The following DYTN variants were observed in gnomAD, a reference collection of about 807,000 sequenced individuals.
DYTN encodes dystrotelin.
Under a neutral mutation model 69.6 loss-of-function variants are expected in DYTN, and 75 were observed. That is an observed-to-expected ratio of 1.08 (90% CI 0.89 to 1.31). The LOEUF is 1.31. Ranked by LOEUF, DYTN falls within the 50% of genes most tolerant of loss-of-function variation. DYTN has a pLI of 0.00. For synonymous variants in DYTN, 252 were observed against 249.1 expected (o/e 1.01, Z -0.11); for missense variants, 726 against 688.4 (o/e 1.05, Z -0.61).
chr2:206,716,903 C>A lies in DYTN; in HGVS notation c.19+1358G>T, dbSNP rs982486509. 2.0e-5 allele frequency among the ~76,000 whole-genome samples: 3 copies of A among 152,046 alleles called. No individual in the cohort carries two copies. The South Asian group carries it at 6.2e-4, about 32-fold the overall frequency. Reference sequence around the variant, plus strand: ...TCTCCTGTCAAGTTATGCTTTACAGCGTCATCTGATGAAGTTAGGCAGCAT... The same window carrying A: ...TCTCCTGTCAAGTTATGCTTTACAGAGTCATCTGATGAAGTTAGGCAGCAT... On this transcript the variant is annotated intron_variant, in intron 1 of 11. Transcript: ENST00000452335.
intron 2 of DYTN, among the ~76,000 whole-genome samples, chr2:206,708,500 AGAG>A (rs1700048571): frequency 6.6e-6 from 1 of 152,248 alleles, no homozygotes; most frequent in Non-Finnish European, 1.5e-5. Flanking sequence ...TCTAAGGAAC[AGAG>A]GAACAAGTTT....
At chr2:206,666,738 CGTGTGTGTGTGT>C (rs56345459) in intron 9 of DYTN, among the ~76,000 whole-genome samples, 15 of 145,640 alleles carry the variant, frequency 1.0e-4, no homozygotes, top group African/African-American at 2.8e-4. Context: ...CATGGGTGTG[CGTGTGTGTGTGT>C]GTGTGTGTGT....
chr2:206,712,956 G>A (rs1057197537), intron 1 of DYTN, among the ~76,000 whole-genome samples: 1 of 152,242 alleles, frequency 6.6e-6, no homozygotes, highest in Non-Finnish European at 1.5e-5. Context: ...GATTGGAGCA[G>A]AAATCACCCT....
chr2:206,705,985 G>T, intron 3 of DYTN, 112 bp from the exon 4 acceptor site: 1 of 1,186,032 alleles, frequency 8.4e-7, no homozygotes, highest in Non-Finnish European at 1.2e-6. Context: ...GGTGCTATAA[G>T]TTCCAACTTT....
intron 9 of DYTN, among the ~76,000 whole-genome samples, chr2:206,676,416 C>T (rs923200588): frequency 9.2e-5 from 14 of 151,462 alleles, no homozygotes; most frequent in African/African-American, 2.4e-4. Flanking sequence ...CATCACATAC[C>T]GGGGCCTGTC....
chr2:206,667,647 C>T (rs1389780045), intron 9 of DYTN, among the ~76,000 whole-genome samples: 1 of 151,632 alleles, frequency 6.6e-6, no homozygotes. Context: ...ACCTACTCTA[C>T]TCCTTAATTA....
chr2:206,716,547 C>A lies in DYTN; in HGVS notation c.19+1714G>T, dbSNP rs368278834. Among the ~76,000 whole-genome samples, 4 of 152,014 alleles carry A rather than the reference C, an allele frequency of 2.6e-5. No homozygotes were observed. The East Asian group carries it at 7.7e-4, about 29-fold the overall frequency. On this transcript the variant is annotated intron_variant, in intron 1 of 11. Coordinates refer to ENST00000452335, the MANE Select transcript of DYTN (RefSeq NM_001093730.1). Reference sequence around the variant, plus strand: ...TATATAACTACAATTTGCTCTAAATCTTTTGTTATTCATCATTTCCTTAGG... The same window carrying A: ...TATATAACTACAATTTGCTCTAAATATTTTGTTATTCATCATTTCCTTAGG...
intron 9 of DYTN, among the ~76,000 whole-genome samples, chr2:206,689,454 C>T (rs1699842236): frequency 6.6e-6 from 1 of 152,176 alleles, no homozygotes. Flanking sequence ...TCATCAAAGT[C>T]TAGGGTACAC....
chr2:206,674,993 G>C (rs1310434665), intron 9 of DYTN, among the ~76,000 whole-genome samples: 1 of 151,536 alleles, frequency 6.6e-6, no homozygotes, highest in Non-Finnish European at 1.5e-5. Context: ...ATTAAAAATA[G>C]TTGCCCCATT....
intron 1 of DYTN, among the ~76,000 whole-genome samples, chr2:206,716,119 AAAAG>A (rs1486772328): frequency 1.3e-5 from 2 of 152,166 alleles, no homozygotes; most frequent in South Asian, 2.1e-4. Flanking sequence ...AAACAAAAGA[AAAAG>A]AAAGAAAGAA....
intron 9 of DYTN, among the ~76,000 whole-genome samples, 192 bp from the exon 10 acceptor site, chr2:206,666,221 G>A (rs1482917944): frequency 6.6e-6 from 1 of 152,106 alleles, no homozygotes; most frequent in Non-Finnish European, 1.5e-5. Context: ...CGCGATCTTG[G>A]TTCACTGCAA....
At chr2:206,661,748 A>G (rs1008958170) in intron 11 of DYTN, among the ~76,000 whole-genome samples, 1 of 152,206 alleles carries the variant, frequency 6.6e-6, no homozygotes, top group African/African-American at 2.4e-5. Flanking sequence ...TAAGGCTTCC[A>G]GTCAACAGTA....
chr2:206,685,254 C>T (rs1699793289), intron 9 of DYTN, among the ~76,000 whole-genome samples: 1 of 151,996 alleles, frequency 6.6e-6, no homozygotes. Flanking sequence ...CTCGACCTAC[C>T]AGGCTCAAGC....
chr2:206,670,558 T>C (rs1055642297), intron 9 of DYTN: 1 of 152,120 alleles, frequency 6.6e-6, no homozygotes, highest in African/African-American at 2.4e-5. Flanking sequence ...GTGCTGACCA[T>C]GGTCTAGAGA....
chr2:206,718,043 T>G (rs1008646389), intron 1 of DYTN, among the ~76,000 whole-genome samples: 1 of 152,252 alleles, frequency 6.6e-6, no homozygotes, highest in African/African-American at 2.4e-5. Flanking sequence ...TAGATTATTT[T>G]TGGTGCTTTC....
intron 9 of DYTN, among the ~76,000 whole-genome samples, chr2:206,680,978 A>G (rs570734056): frequency 1.3e-5 from 2 of 152,224 alleles, no homozygotes; most frequent in South Asian, 2.1e-4. Flanking sequence ...CAGTATGGCT[A>G]TTTTCACGAT....
chr2:206,714,601 T>TGCCTG (rs1478836955), intron 1 of DYTN, among the ~76,000 whole-genome samples: 5 of 152,244 alleles, frequency 3.3e-5, no homozygotes, highest in Admixed American at 6.5e-5. Context: ...GAGAGGCTGA[T>TGCCTG]GCCTGGACAA....
At chr2:206,705,682 A>G in intron 4 of DYTN, 106 bp downstream of exon 4, 1 of 952,944 alleles carries the variant, frequency 1.0e-6, no homozygotes, top group Non-Finnish European at 1.6e-6. Flanking sequence ...CACATAAGTC[A>G]TGCTGAGTAC....
chr2:206,681,926 G>T (rs561721089), intron 9 of DYTN, among the ~76,000 whole-genome samples: 4 of 152,294 alleles, frequency 2.6e-5, no homozygotes, highest in Non-Finnish European at 5.9e-5. Flanking sequence ...CTTTTCAATA[G>T]TTTGGAATAG....
Sources: gnomAD v4.1 joint callset for allele counts (sites outside exome capture counted in the v4.1 genomes callset) on GRCh38, gnomAD v4.1.1 for gene constraint, MANE v1.5 for transcripts, NCBI Gene and HGNC (gene_info 2026-07-23, HGNC 2026-07-21) for gene names.